GRIN2A: variants seen among roughly 807,000 people sequenced by gnomAD.
The protein encoded by GRIN2A is glutamate ionotropic receptor NMDA type subunit 2A, also known as glutamate receptor ionotropic, NMDA 2A.
A neutral mutation model predicts 113.4 loss-of-function variants in GRIN2A; 22 were observed. That is an observed-to-expected ratio of 0.19 (90% CI 0.14 to 0.28). The LOEUF is 0.28. GRIN2A is among the 10% of genes least tolerant of loss of function. GRIN2A has a pLI of 1.00. For missense variants in GRIN2A, 1,502 were observed against 1,887.0 expected (o/e 0.80, Z 3.78); for synonymous variants, 827 against 738.4 (o/e 1.12, Z -1.94).
intron 2 of GRIN2A, among the ~76,000 whole-genome samples, chr16:10,074,779 T>C (rs2047836061): frequency 6.6e-6 from 1 of 152,148 alleles, no homozygotes. Context: ...TTTTGTGGTT[T>C]TGGAACTGTT....
At position 9,909,095 on chromosome 16, in the gene GRIN2A, G is replaced by A. The variant is rs150845424; in HGVS notation, c.1008-17995C>T. Among the ~76,000 whole-genome samples, 469 of 152,234 alleles carry A rather than the reference G, an allele frequency of 3.1e-3. 2 individuals are homozygous for A. Among genetic ancestry groups the A allele is most frequent in the African/African-American group, 0.011 (446 of 41,528 alleles). ...ACTTATAATTCCATGTGGCTGGGGA[G>A]GCCTCACAATCATGGTGGAAGGCAA... On this transcript the variant is annotated intron_variant, in intron 3 of 12. Coordinates refer to ENST00000330684, the MANE Select transcript of GRIN2A (RefSeq NM_001134407.3).
chr16:9,791,644 T>C (rs932917887), intron 11 of GRIN2A, among the ~76,000 whole-genome samples: 1 of 152,140 alleles, frequency 6.6e-6, no homozygotes, highest in African/African-American at 2.4e-5. Context: ...GTTGAGGATA[T>C]TAGCAACCCA....
chr16:9,994,739 G>A (rs1191621535), intron 2 of GRIN2A, among the ~76,000 whole-genome samples: 1 of 152,204 alleles, frequency 6.6e-6, no homozygotes, highest in Non-Finnish European at 1.5e-5. Context: ...CGTCACCACA[G>A]CATGGAAAAA....
intron 2 of GRIN2A, among the ~76,000 whole-genome samples, chr16:10,167,117 T>A (rs1297876130): frequency 2.2e-4 from 2 of 9,128 alleles, no homozygotes; most frequent in Non-Finnish European, 5.2e-4. Flanking sequence ...TATTCAAGGA[T>A]CAACTGTGTT....
intron 1 of GRIN2A, 117 bp downstream of exon 1, chr16:10,181,760 C>T (rs2050276819): frequency 1.3e-5 from 2 of 152,904 alleles, no homozygotes; most frequent in South Asian, 4.1e-4. Flanking sequence ...CACTTCGCCG[C>T]TGGGCTCCCT....
chr16:10,016,442 G>A (rs35719595), intron 2 of GRIN2A, among the ~76,000 whole-genome samples: 16,344 of 152,026 alleles, frequency 0.11, 977 homozygotes, highest in Middle Eastern at 0.15. Context: ...TTGCCCCACA[G>A]ATTCACTGCA....
rs1900528507 is a variant in GRIN2A at position 9,760,374 on chromosome 16, A to ATTTGTTTTT, written c.*2774_*2775insAAAAACAAA. ...AAATTGACCATCTGATCAGTAGTTG[A>ATTTGTTTTT]TTTTTTTTTTTTTTTTTTTTTTTTG... is the stretch of plus-strand genomic sequence containing the variant. On this transcript the variant is annotated 3_prime_UTR_variant, in exon 13 of 13. Coordinates refer to ENST00000330684, the MANE Select transcript of GRIN2A (RefSeq NM_001134407.3). 1.1e-5 allele frequency: 1 copy of ATTTGTTTTT among 89,548 alleles called. No individual in the cohort carries two copies. Among genetic ancestry groups the ATTTGTTTTT allele is most frequent in the Non-Finnish European group, 1.9e-5 (1 of 51,646 alleles). 5.5% of individuals were successfully genotyped at this position (89,548 alleles called of 1,614,324 possible).
At chr16:10,182,606 C>G (rs2050292510), upstream of GRIN2A, 1 of 152,660 alleles carries the variant, frequency 6.6e-6, no homozygotes, top group Non-Finnish European at 1.5e-5. Flanking sequence ...CCACCTCCCC[C>G]CTTCCCAAGG....
At chr16:9,810,794 T>C (rs1014271825) in intron 10 of GRIN2A, among the ~76,000 whole-genome samples, 1 of 152,192 alleles carries the variant, frequency 6.6e-6, no homozygotes, top group Non-Finnish European at 1.5e-5. Context: ...ATGGCCACTC[T>C]AGGAAACTAC....
At position 10,084,030 on chromosome 16, in the gene GRIN2A, G is replaced by A. The variant is rs576646730; in HGVS notation, c.414+95968C>T. Reference sequence around the variant, plus strand: ...GAAGGAGGGTCGCCTGGACCCAGGAGGTCAAGGCAGCAGTGAGCCGAGATC... The same window carrying A: ...GAAGGAGGGTCGCCTGGACCCAGGAAGTCAAGGCAGCAGTGAGCCGAGATC... On this transcript the variant is annotated intron_variant, in intron 2 of 12. Transcript: ENST00000330684. Among the ~76,000 whole-genome samples, 387 of 152,246 alleles carry A rather than the reference G, an allele frequency of 2.5e-3. 2 individuals carry two copies. Among genetic ancestry groups the A allele is most frequent in the African/African-American group, 8.8e-3 (367 of 41,536 alleles).
chr16:10,039,806 GGGGAGAA>G (rs2047114048), intron 2 of GRIN2A, among the ~76,000 whole-genome samples: 1 of 54,574 alleles, frequency 1.8e-5, no homozygotes, highest in African/African-American at 1.0e-4. Context: ...GGGGGAGGGG[GGGGAGAA>G]AGAGAGAGAG....
chr16:9,864,966 G>C (rs56276962), intron 4 of GRIN2A, among the ~76,000 whole-genome samples: 3,864 of 152,274 alleles, frequency 0.025, 49 homozygotes, highest in East Asian at 0.057. Flanking sequence ...TGGGTGAAAT[G>C]CATCGTTATG....
chr16:10,092,298 T>G (rs1394023845), intron 2 of GRIN2A, among the ~76,000 whole-genome samples: 1 of 152,232 alleles, frequency 6.6e-6, no homozygotes, highest in Non-Finnish European at 1.5e-5. Context: ...AGGAGTCTTC[T>G]TACAGTCCAA....
chr16:10,030,047 A>G (rs185260861), intron 2 of GRIN2A, among the ~76,000 whole-genome samples: 12 of 152,154 alleles, frequency 7.9e-5, no homozygotes, highest in Admixed American at 7.2e-4. Context: ...AAGAAACTCA[A>G]TGGAGGCTGC....
intron 2 of GRIN2A, 188 bp downstream of exon 2, chr16:10,179,810 G>A: frequency 4.7e-6 from 3 of 640,818 alleles, no homozygotes; most frequent in East Asian, 2.7e-5. Context: ...AAGGCAAAAG[G>A]CATTTCCATT....
At chr16:9,895,866 A>C (rs1480704650) in intron 3 of GRIN2A, among the ~76,000 whole-genome samples, 2 of 152,184 alleles carry the variant, frequency 1.3e-5, no homozygotes, top group East Asian at 3.9e-4. Context: ...GGTTGAGTCT[A>C]CCTAGCGCCC....
At chr16:9,939,274 G>A (rs888671508) in intron 2 of GRIN2A, among the ~76,000 whole-genome samples, 2 of 152,174 alleles carry the variant, frequency 1.3e-5, no homozygotes, top group Non-Finnish European at 2.9e-5. Context: ...GAAGTGCATG[G>A]ATGTTACAGT....
intron 9 of GRIN2A, among the ~76,000 whole-genome samples, chr16:9,825,116 G>T (rs1237941788): frequency 2.0e-5 from 3 of 152,150 alleles, no homozygotes; most frequent in African/African-American, 7.2e-5. Context: ...TTCTCTGCAG[G>T]GTTCCCTTGC....
chr16:9,898,801 GT>G (rs1157991036), intron 3 of GRIN2A, among the ~76,000 whole-genome samples: 3,901 of 129,192 alleles, frequency 0.03, 168 homozygotes, highest in African/African-American at 0.1. Context: ...TTTTTTTTTT[GT>G]TTTTTTTTTT....
Sources: allele counts gnomAD v4.1 joint callset (sites outside exome capture counted in the v4.1 genomes callset), GRCh38; gene constraint gnomAD v4.1.1; transcripts MANE v1.5; gene names NCBI Gene and HGNC (gene_info 2026-07-23, HGNC 2026-07-21).